Variants in PHF14 observed in about 807,000 individuals in gnomAD.
PHF14 encodes PHD finger protein 14.
In PHF14, 55 loss-of-function variants were observed where a neutral mutation model predicts 117.9. The observed-to-expected ratio is 0.47, with a 90% CI of 0.38 to 0.58. PHF14 has a LOEUF of 0.58. Among genes scored for constraint, PHF14 ranks in the 20% least tolerant of loss-of-function variants. The pLI, the probability that PHF14 is intolerant of heterozygous loss-of-function variation, is 0.00. For synonymous variants in PHF14, 409 were observed against 368.6 expected, an observed-to-expected ratio of 1.11 and a Z score of -1.26; for missense variants, 978 against 1,122.2, an observed-to-expected ratio of 0.87 and a Z score of 1.84.
intron 13 of PHF14, among the ~76,000 whole-genome samples, chr7:11,045,732 G>A (rs1784641872): frequency 6.6e-6 from 1 of 152,142 alleles, no homozygotes; most frequent in Non-Finnish European, 1.5e-5. Context: ...ATTATTGGTG[G>A]AAGGTAGGGA....
In PHF14 at chr7:11,040,816, T is replaced by A. The variant is rs1784480603; in HGVS notation, c.2180+41T>A. On this transcript the variant is annotated intron_variant, in intron 12 of 17. Coordinates refer to ENST00000634607, the MANE Select transcript of PHF14 (RefSeq NM_001007157.2). ...AATAATGATAGAATAATGTTGTGTA[T>A]TTTTTTAAACTGATACTTATTAGAA... 3.0e-6 allele frequency: 3 copies of A among 990,372 alleles called. No individual in the cohort carries two copies. In the East Asian group the frequency reaches 9.0e-5, roughly 30 times the overall value. 61.3% of individuals were successfully genotyped at this position (990,372 alleles called of 1,614,324 possible). A position where few individuals can be genotyped will look rare whatever the true frequency, so the allele number is the denominator to read the frequency against.
intron 16 of PHF14, among the ~76,000 whole-genome samples, chr7:11,067,680 T>G (rs556797570): frequency 1.5e-4 from 23 of 152,298 alleles, no homozygotes; most frequent in Non-Finnish European, 2.8e-4. Flanking sequence ...AAGGAAATGT[T>G]TATTTGGCTC....
intron 13 of PHF14, among the ~76,000 whole-genome samples, chr7:11,048,519 C>T (rs114047609): frequency 6.6e-6 from 1 of 152,102 alleles, no homozygotes; most frequent in African/African-American, 2.4e-5. Flanking sequence ...TACAGTGAGC[C>T]TTAGATCATG....
At position 11,085,891 on chromosome 7, in the gene PHF14, TA is replaced by T. The variant is rs200053748; in HGVS notation, c.2654+23816del. Reference sequence around the variant, plus strand: ...TTATCAGTAGCAAAACATAATAGTTTAAAAAAAAAACTGTGGTTAAATGCTT... The same window carrying T: ...TTATCAGTAGCAAAACATAATAGTTTAAAAAAAAACTGTGGTTAAATGCTT... On this transcript the variant is annotated intron_variant, in intron 16 of 17. Coordinates refer to ENST00000634607, the MANE Select transcript of PHF14 (RefSeq NM_001007157.2). Among the ~76,000 whole-genome samples, 320 of 149,328 alleles carry T rather than the reference TA, an allele frequency of 2.1e-3. 1 individual carries two copies. The highest frequency in any genetic ancestry group is 7.4e-3 in the African/African-American group (303 of 40,828).
intron 4 of PHF14, among the ~76,000 whole-genome samples, chr7:10,996,092 A>G (rs1044055496): frequency 2.0e-5 from 3 of 152,162 alleles, no homozygotes; most frequent in African/African-American, 4.8e-5. Context: ...ACCTATCATT[A>G]TGATGGATGT....
intron 16 of PHF14, among the ~76,000 whole-genome samples, chr7:11,070,087 C>G (rs1785563158): frequency 6.6e-6 from 1 of 152,114 alleles, no homozygotes; most frequent in African/African-American, 2.4e-5. Context: ...TTCCTTTCAT[C>G]TTGTGTCATT....
At chr7:10,985,837 G>T (rs71536832) in intron 3 of PHF14, among the ~76,000 whole-genome samples, 1 of 151,750 alleles carries the variant, frequency 6.6e-6, no homozygotes, top group Non-Finnish European at 1.5e-5. Flanking sequence ...ATTTTTAGTA[G>T]AGGTGGGGTT....
chr7:11,059,574 G>A (rs537937643), intron 14 of PHF14, among the ~76,000 whole-genome samples: 1 of 152,186 alleles, frequency 6.6e-6, no homozygotes, highest in East Asian at 1.9e-4. Flanking sequence ...TCAGGAGTTC[G>A]AGACCAGCCT....
At chr7:11,168,613 T>C (rs1332153161) in intron 17 of PHF14, among the ~76,000 whole-genome samples, 1 of 152,226 alleles carries the variant, frequency 6.6e-6, no homozygotes, top group Non-Finnish European at 1.5e-5. Context: ...AAGAGTACCT[T>C]TATGTCAGTT....
At chr7:11,084,901 G>A (rs2995903) in intron 16 of PHF14, among the ~76,000 whole-genome samples, 89,599 of 151,764 alleles carry the variant, frequency 0.59, 28,363 homozygotes, top group East Asian at 0.85. Context: ...ATCCTTTGCC[G>A]CTTTATCTTT....
At chr7:11,011,463 G>T (rs1330080884) in intron 4 of PHF14, among the ~76,000 whole-genome samples, 2 of 152,076 alleles carry the variant, frequency 1.3e-5, no homozygotes, top group Non-Finnish European at 2.9e-5. Flanking sequence ...TCTCACTGTG[G>T]CTTATTTAAT....
intron 6 of PHF14, among the ~76,000 whole-genome samples, chr7:11,025,341 C>T (rs1395689179): frequency 2.6e-5 from 4 of 152,158 alleles, no homozygotes; most frequent in Non-Finnish European, 5.9e-5. Context: ...ATTACATAAA[C>T]TTGATTGATT....
chr7:11,065,304 G>A lies in PHF14; in HGVS notation c.2654+3219G>A, dbSNP rs184050999. Among the ~76,000 whole-genome samples, 54 of 152,164 alleles carry A rather than the reference G, an allele frequency of 3.5e-4. No individual in the cohort carries two copies. The East Asian group carries it at 0.01, about 29-fold the overall frequency. Reference sequence around the variant, plus strand: ...AGTTGAAACTATTTCATGGAATTGGGAAGTCTTAAAGGCTTTGTCTGTGAT... The same window carrying A: ...AGTTGAAACTATTTCATGGAATTGGAAAGTCTTAAAGGCTTTGTCTGTGAT... On this transcript the variant is annotated intron_variant, in intron 16 of 17. Transcript: ENST00000634607.
intron 6 of PHF14, among the ~76,000 whole-genome samples, chr7:11,027,347 A>G (rs1783956640): frequency 6.6e-6 from 1 of 152,128 alleles, no homozygotes. Flanking sequence ...TTGACTATTG[A>G]AGTTTTTAAG....
intron 14 of PHF14, among the ~76,000 whole-genome samples, chr7:11,056,917 A>G (rs558838076): frequency 1.6e-4 from 24 of 151,670 alleles, no homozygotes; most frequent in African/African-American, 3.9e-4. Flanking sequence ...ATCTAATGCT[A>G]TTTAGCTTAA....
At position 10,989,209 on chromosome 7, in the gene PHF14, G is replaced by A. The variant is rs1261836581; in HGVS notation, c.901-1494G>A. Among the ~76,000 whole-genome samples the A allele has an allele frequency of 2.0e-5, 3 of 152,246 alleles. No individual in the cohort carries two copies. In the East Asian group the frequency reaches 5.8e-4, roughly 29 times the overall value. On this transcript the variant is annotated intron_variant, in intron 3 of 17. Transcript: ENST00000634607. ...TTACAAATCTGCCGCAATTTTAGAT[G>A]TTATACACAAAGTATATTGGAAGAA... is the stretch of plus-strand genomic sequence containing the variant.
chr7:11,136,707 GAA>G (rs1788230621), intron 17 of PHF14, among the ~76,000 whole-genome samples: 1 of 152,062 alleles, frequency 6.6e-6, no homozygotes, highest in South Asian at 2.1e-4. Context: ...GTAGGGTAAA[GAA>G]AAAGGTGAAT....
intron 16 of PHF14, among the ~76,000 whole-genome samples, chr7:11,099,093 C>G (rs3801451): frequency 0.35 from 52,951 of 151,870 alleles, 9,866 homozygotes; most frequent in East Asian, 0.73. Flanking sequence ...TGTAGCCCAG[C>G]TGCCACTGAA....
intron 16 of PHF14, among the ~76,000 whole-genome samples, chr7:11,088,781 T>C (rs946982120): frequency 6.6e-6 from 1 of 152,084 alleles, no homozygotes; most frequent in Non-Finnish European, 1.5e-5. Context: ...AAACACTGTA[T>C]AGGAGGGGAG....
Sources: allele counts gnomAD v4.1 joint callset (sites outside exome capture counted in the v4.1 genomes callset), GRCh38; gene constraint gnomAD v4.1.1; transcripts MANE v1.5; gene names NCBI Gene and HGNC (gene_info 2026-07-23, HGNC 2026-07-21).